The following THSD7B variants were observed in gnomAD, a reference collection of about 807,000 sequenced individuals.
The protein encoded by THSD7B is thrombospondin type-1 domain-containing protein 7B.
In THSD7B, 138 loss-of-function variants were observed where a neutral mutation model predicts 213.6. That is an observed-to-expected ratio of 0.65 (90% CI 0.56 to 0.74). The LOEUF (loss-of-function observed/expected upper bound fraction) is 0.74. THSD7B is among the 30% of genes least tolerant of loss of function. THSD7B has a pLI of 0.00. For synonymous variants in THSD7B, 742 were observed against 687.0 expected, an observed-to-expected ratio of 1.08 and a Z score of -1.25; for missense variants, 1,931 against 1,991.5, an observed-to-expected ratio of 0.97 and a Z score of 0.58.
At chr2:137,649,045 G>A (rs891318450) in intron 21 of THSD7B, among the ~76,000 whole-genome samples, 4 of 151,842 alleles carry the variant, frequency 2.6e-5, no homozygotes, top group Non-Finnish European at 5.9e-5. Context: ...TTTTCATATG[G>A]CAGTTGGCTA....
At chr2:137,315,156 G>A (rs1425957486) in intron 12 of THSD7B, among the ~76,000 whole-genome samples, 6 of 152,326 alleles carry the variant, frequency 3.9e-5, no homozygotes, top group Non-Finnish European at 8.8e-5. Flanking sequence ...AGCAATCAGC[G>A]AGACTCCGTG....
intron 14 of THSD7B, among the ~76,000 whole-genome samples, chr2:137,447,056 G>T (rs1424759768): frequency 6.6e-6 from 1 of 151,990 alleles, no homozygotes; most frequent in Non-Finnish European, 1.5e-5. Flanking sequence ...ATTTTCCTTT[G>T]GGGTATACTC....
At chr2:137,362,915 C>T (rs1212540893) in intron 12 of THSD7B, among the ~76,000 whole-genome samples, 1 of 152,178 alleles carries the variant, frequency 6.6e-6, no homozygotes, top group African/African-American at 2.4e-5. Flanking sequence ...CTCTCCACCT[C>T]AAATCAACAG....
chr2:137,256,182 GAAT>G (rs1019993661), intron 10 of THSD7B, among the ~76,000 whole-genome samples: 10 of 152,254 alleles, frequency 6.6e-5, no homozygotes, highest in African/African-American at 2.4e-4. Context: ...TTTGTTGAAT[GAAT>G]AATAATGGAT....
At chr2:136,844,579 G>A (rs1276570543) in intron 1 of THSD7B, among the ~76,000 whole-genome samples, 1 of 151,920 alleles carries the variant, frequency 6.6e-6, no homozygotes, top group Non-Finnish European at 1.5e-5. Flanking sequence ...GCCTAGCAAG[G>A]GAATTGGAAA....
At chr2:137,149,470 C>G (rs1481506274) in intron 5 of THSD7B, among the ~76,000 whole-genome samples, 16 of 152,154 alleles carry the variant, frequency 1.1e-4, no homozygotes, top group Admixed American at 9.8e-4. Flanking sequence ...CTACTTGGGA[C>G]CTAGTGAATC....
intron 17 of THSD7B, among the ~76,000 whole-genome samples, chr2:137,601,762 C>G (rs776705067): frequency 6.6e-6 from 1 of 152,162 alleles, no homozygotes; most frequent in Non-Finnish European, 1.5e-5. Context: ...TAGCATTCTT[C>G]GTCCCTCTTT....
intron 1 of THSD7B, among the ~76,000 whole-genome samples, chr2:136,873,472 A>T (rs796990197): frequency 2.2e-4 from 33 of 152,326 alleles, no homozygotes; most frequent in African/African-American, 7.2e-4. Context: ...TTGTTCTCTC[A>T]TAAAATAGAG....
intron 12 of THSD7B, among the ~76,000 whole-genome samples, chr2:137,306,958 C>G (rs1683764639): frequency 6.6e-6 from 1 of 152,118 alleles, no homozygotes. Flanking sequence ...TCTTTGAGAA[C>G]AGAAGTACTT....
intron 2 of THSD7B, among the ~76,000 whole-genome samples, chr2:137,025,232 G>C (rs1378889811): frequency 6.6e-6 from 1 of 152,026 alleles, no homozygotes; most frequent in East Asian, 1.9e-4. Flanking sequence ...TTCCTTAAAA[G>C]CATAAAATTG....
intron 7 of THSD7B, among the ~76,000 whole-genome samples, chr2:137,214,196 AT>A (rs1317740797): frequency 3.9e-5 from 6 of 152,130 alleles, no homozygotes; most frequent in African/African-American, 1.4e-4. Context: ...TTTCTGGGAA[AT>A]AAAAGCATTT....
At chr2:136,802,420 A>G (rs76247875) in intron 1 of THSD7B, among the ~76,000 whole-genome samples, 59 of 151,864 alleles carry the variant, frequency 3.9e-4, no homozygotes, top group African/African-American at 1.4e-3. Context: ...CCTTTATAAC[A>G]TGAGCAATAA....
intron 9 of THSD7B, among the ~76,000 whole-genome samples, chr2:137,241,247 A>G (rs1022028069): frequency 1.3e-5 from 2 of 152,198 alleles, no homozygotes; most frequent in African/African-American, 2.4e-5. Flanking sequence ...TCTTCTTTAT[A>G]TGAAACTTAT....
chr2:136,786,934 A>G (rs910094301), intron 1 of THSD7B, among the ~76,000 whole-genome samples: 7 of 152,176 alleles, frequency 4.6e-5, no homozygotes, highest in Non-Finnish European at 7.3e-5. Flanking sequence ...ATTTAAAAAA[A>G]GGGGGTACAT....
chr2:137,326,507 C>T (rs1190557934), intron 12 of THSD7B, among the ~76,000 whole-genome samples: 3 of 152,152 alleles, frequency 2.0e-5, no homozygotes, highest in African/African-American at 7.2e-5. Context: ...GCAGGTTATA[C>T]AAAGCCACTT....
intron 15 of THSD7B, among the ~76,000 whole-genome samples, chr2:137,528,371 T>A (rs1334900908): frequency 6.6e-6 from 1 of 152,118 alleles, no homozygotes; most frequent in Non-Finnish European, 1.5e-5. Flanking sequence ...TGTTTCCTCA[T>A]CTGTTAAGTA....
intron 17 of THSD7B, among the ~76,000 whole-genome samples, chr2:137,613,872 G>C (rs1393994948): frequency 6.6e-6 from 1 of 152,044 alleles, no homozygotes; most frequent in Non-Finnish European, 1.5e-5. Flanking sequence ...TGTATAAACA[G>C]CTAATAGAGA....
At chr2:136,805,629 A>G (rs982397914) in intron 1 of THSD7B, among the ~76,000 whole-genome samples, 1 of 152,186 alleles carries the variant, frequency 6.6e-6, no homozygotes, top group Non-Finnish European at 1.5e-5. Flanking sequence ...TCCAGGAAGC[A>G]GAACCGTATT....
chr2:137,475,423 A>G (rs1199684537), intron 15 of THSD7B, among the ~76,000 whole-genome samples: 1 of 152,088 alleles, frequency 6.6e-6, no homozygotes, highest in Non-Finnish European at 1.5e-5. Flanking sequence ...AAACATTGGA[A>G]CTTATTTATT....
Sources: gnomAD v4.1 joint callset for allele counts (sites outside exome capture counted in the v4.1 genomes callset) on GRCh38, gnomAD v4.1.1 for gene constraint, MANE v1.5 for transcripts, NCBI Gene and HGNC (gene_info 2026-07-23, HGNC 2026-07-21) for gene names.